The following CTNNA3 variants were observed in gnomAD, a reference collection of about 807,000 sequenced individuals.
CTNNA3 encodes catenin alpha-3.
CTNNA3 carries 76 observed loss-of-function variants against 95.7 expected under a neutral mutation model. That is an observed-to-expected ratio of 0.79 (90% CI 0.66 to 0.96). The LOEUF is 0.96. CTNNA3 is among the 40% of genes least tolerant of loss of function. The probability of loss-of-function intolerance (pLI) is 0.00; values close to 1 mark genes in which losing one functional copy is unlikely to be tolerated. For missense variants in CTNNA3, 1,191 were observed against 1,089.8 expected (o/e 1.09, Z -1.31); for synonymous variants, 431 against 374.4 (o/e 1.15, Z -1.74).
At chr10:65,936,935 C>A (rs2077348990) in intron 17 of CTNNA3, among the ~76,000 whole-genome samples, 1 of 151,740 alleles carries the variant, frequency 6.6e-6, no homozygotes, top group Admixed American at 6.6e-5. Flanking sequence ...ATAATCATAT[C>A]TACCTAATAA....
chr10:67,111,089 T>C (rs1357215558), intron 7 of CTNNA3, among the ~76,000 whole-genome samples: 1 of 152,202 alleles, frequency 6.6e-6, no homozygotes, highest in Non-Finnish European at 1.5e-5. Flanking sequence ...CTGCTTATTT[T>C]ACTCTTCCTC....
At chr10:67,503,447 T>A (rs749023630) in intron 5 of CTNNA3, among the ~76,000 whole-genome samples, 25 of 152,028 alleles carry the variant, frequency 1.6e-4, no homozygotes, top group Non-Finnish European at 2.4e-4. Flanking sequence ...TCTTAACTAT[T>A]TTTTTTTATT....
chr10:66,769,477 A>T (rs1381484310), intron 8 of CTNNA3, among the ~76,000 whole-genome samples: 1 of 152,238 alleles, frequency 6.6e-6, no homozygotes, highest in African/African-American at 2.4e-5. Context: ...TATGAACTAC[A>T]TTATAGACTT....
intron 7 of CTNNA3, among the ~76,000 whole-genome samples, chr10:67,121,894 C>A (rs947004355): frequency 7.3e-6 from 1 of 137,596 alleles, no homozygotes; most frequent in Non-Finnish European, 1.5e-5. Flanking sequence ...GGTAAAAAAT[C>A]TGAATTTTTT....
At chr10:66,826,989 T>C (rs1443180133) in intron 7 of CTNNA3, among the ~76,000 whole-genome samples, 1 of 152,150 alleles carries the variant, frequency 6.6e-6, no homozygotes. Context: ...TACTTATGAT[T>C]TTCCAAAAAT....
At chr10:66,202,808 G>A (rs779289391) in intron 13 of CTNNA3, among the ~76,000 whole-genome samples, 1 of 152,010 alleles carries the variant, frequency 6.6e-6, no homozygotes, top group Non-Finnish European at 1.5e-5. Flanking sequence ...ACTCCCTGAG[G>A]CACATCTGCT....
chr10:66,814,030 A>G (rs555272010), intron 7 of CTNNA3, among the ~76,000 whole-genome samples: 1 of 152,304 alleles, frequency 6.6e-6, no homozygotes, highest in East Asian at 1.9e-4. Context: ...ATATTCAATA[A>G]GACTGAAGAC....
intron 13 of CTNNA3, among the ~76,000 whole-genome samples, chr10:66,212,215 C>G (rs2088214062): frequency 1.3e-5 from 2 of 152,018 alleles, no homozygotes; most frequent in Admixed American, 1.3e-4. Context: ...ATCTCAAACT[C>G]CTGACCTTAC....
intron 1 of CTNNA3, among the ~76,000 whole-genome samples, chr10:67,676,545 T>C (rs1840538285): frequency 6.6e-6 from 1 of 152,136 alleles, no homozygotes; most frequent in African/African-American, 2.4e-5. Flanking sequence ...TCTCTCAAAT[T>C]GTTCAAAAAC....
chr10:67,032,018 G>A (rs1258291210), intron 7 of CTNNA3, among the ~76,000 whole-genome samples: 1 of 152,276 alleles, frequency 6.6e-6, no homozygotes, highest in East Asian at 1.9e-4. Context: ...AATGGTTTAT[G>A]GCCATGCATA....
At chr10:66,792,033 A>C (rs1840992227) in intron 7 of CTNNA3, among the ~76,000 whole-genome samples, 1 of 152,232 alleles carries the variant, frequency 6.6e-6, no homozygotes, top group Non-Finnish European at 1.5e-5. Flanking sequence ...ATAAATTATA[A>C]GTCATGATGA....
chr10:67,113,105 A>G lies in CTNNA3; in HGVS notation c.1047+67212T>C, dbSNP rs186751779. ...GCTTTCTCCTTTGTAAATACTTTTT[A>G]TATACTTTTTCTAATCCTGTTTTGT... On this transcript the variant is annotated intron_variant, in intron 7 of 17. Coordinates refer to ENST00000433211, the MANE Select transcript of CTNNA3 (RefSeq NM_013266.4). Among the ~76,000 whole-genome samples the G allele has an allele frequency of 2.8e-4, 42 of 152,236 alleles. No homozygotes were observed. In the East Asian group the frequency reaches 5.8e-3, roughly 21 times the overall value.
At chr10:66,011,485 G>A (rs1332787458) in intron 15 of CTNNA3, among the ~76,000 whole-genome samples, 2 of 152,060 alleles carry the variant, frequency 1.3e-5, no homozygotes, top group Non-Finnish European at 2.9e-5. Context: ...AGTTTTAATT[G>A]TATGGCATTT....
chr10:67,096,090 A>G (rs1156953669), intron 7 of CTNNA3, among the ~76,000 whole-genome samples: 1 of 151,840 alleles, frequency 6.6e-6, no homozygotes, highest in East Asian at 1.9e-4. Flanking sequence ...TTACTCTGGA[A>G]TTTTCATTTA....
chr10:66,445,057 G>C (rs2093408432), intron 11 of CTNNA3, among the ~76,000 whole-genome samples: 1 of 151,994 alleles, frequency 6.6e-6, no homozygotes, highest in African/African-American at 2.4e-5. Context: ...AACCAACAAA[G>C]ATCAAAAGAG....
At chr10:67,297,632 G>A (rs1399656834) in intron 5 of CTNNA3, among the ~76,000 whole-genome samples, 1 of 152,206 alleles carries the variant, frequency 6.6e-6, no homozygotes, top group Non-Finnish European at 1.5e-5. Flanking sequence ...AGAAATAGTA[G>A]AATCAAGTAC....
At chr10:67,120,067 G>A in intron 7 of CTNNA3, among the ~76,000 whole-genome samples, 1 of 151,878 alleles carries the variant, frequency 6.6e-6, no homozygotes, top group Non-Finnish European at 1.5e-5. Context: ...CTATGAAATA[G>A]CACACAAGAG....
intron 11 of CTNNA3, among the ~76,000 whole-genome samples, chr10:66,443,498 C>A (rs2093391354): frequency 6.6e-6 from 1 of 152,186 alleles, no homozygotes; most frequent in African/African-American, 2.4e-5. Context: ...TTGCGGGTCA[C>A]CAAAATCCGC....
Position 67,350,434 on chromosome 10 carries a change from A to G in CTNNA3, c.580-130564T>C, listed in dbSNP as rs138702398. ...TCAGTCCTAATCCACAATAATATTT[A>G]TACTTTCTCATAGCACTAGTGTGTT... On this transcript the variant is annotated intron_variant, in intron 5 of 17. Coordinates refer to ENST00000433211, the MANE Select transcript of CTNNA3 (RefSeq NM_013266.4). Among the ~76,000 whole-genome samples the G allele has an allele frequency of 1.8e-4, 27 of 152,162 alleles. No individual in the cohort carries two copies. The East Asian group carries it at 4.8e-3, about 27-fold the overall frequency.
Sources: gnomAD v4.1 joint callset for allele counts (sites outside exome capture counted in the v4.1 genomes callset) on GRCh38, gnomAD v4.1.1 for gene constraint, MANE v1.5 for transcripts, NCBI Gene and HGNC (gene_info 2026-07-23, HGNC 2026-07-21) for gene names.